Variants in SUMF1 observed in about 807,000 individuals in gnomAD.
The protein encoded by SUMF1 is formylglycine-generating enzyme.
Under a neutral mutation model 47.6 loss-of-function variants are expected in SUMF1, and 48 were observed. The ratio of observed to expected loss-of-function variants is 1.01; its 90% CI spans 0.80 to 1.28. The LOEUF is 1.28. SUMF1 is among the 50% of genes most tolerant of loss of function. SUMF1 has a pLI of 0.00. For synonymous variants in SUMF1, 230 were observed against 192.1 expected (o/e 1.20, Z -1.63); for missense variants, 571 against 485.4 (o/e 1.18, Z -1.66).
At chr3:4,272,441 A>G (rs1697323780) in intron 8 of SUMF1, among the ~76,000 whole-genome samples, 1 of 152,176 alleles carries the variant, frequency 6.6e-6, no homozygotes, top group Non-Finnish European at 1.5e-5. Context: ...CGTTGGATAC[A>G]GGCTGTCCAT....
At chr3:4,191,957 A>T (rs1289523980) in intron 8 of SUMF1, among the ~76,000 whole-genome samples, 3 of 152,180 alleles carry the variant, frequency 2.0e-5, no homozygotes, top group Non-Finnish European at 4.4e-5. Flanking sequence ...GTGTTATTTT[A>T]ACTGACATCA....
At chr3:4,245,965 C>T (rs61267483) in intron 8 of SUMF1, among the ~76,000 whole-genome samples, 1 of 152,132 alleles carries the variant, frequency 6.6e-6, no homozygotes, top group African/African-American at 2.4e-5. Flanking sequence ...CCTCAGCAAT[C>T]GTGGATGCCC....
At chr3:4,064,492 CTA>C (rs1695336964) in intron 9 of SUMF1, among the ~76,000 whole-genome samples, 2 of 152,098 alleles carry the variant, frequency 1.3e-5, no homozygotes, top group African/African-American at 2.4e-5. Context: ...CAAGAAATAA[CTA>C]TAAGTATACT....
At chr3:4,121,657 G>T (rs1693547858) in intron 8 of SUMF1, among the ~76,000 whole-genome samples, 1 of 152,100 alleles carries the variant, frequency 6.6e-6, no homozygotes, top group African/African-American at 2.4e-5. Context: ...ATACCCAAAA[G>T]AAGTGAAAAT....
chr3:4,325,120 T>C (rs913273360), intron 8 of SUMF1, among the ~76,000 whole-genome samples: 1 of 152,044 alleles, frequency 6.6e-6, no homozygotes, highest in African/African-American at 2.4e-5. Flanking sequence ...ATAATTCAAT[T>C]ACCTCCCACC....
At chr3:4,041,886 G>A (rs1247864607) in intron 9 of SUMF1, among the ~76,000 whole-genome samples, 1 of 152,078 alleles carries the variant, frequency 6.6e-6, no homozygotes, top group East Asian at 1.9e-4. Flanking sequence ...TAAGAAAGCA[G>A]GCCTGAATCC....
intron 8 of SUMF1, among the ~76,000 whole-genome samples, chr3:4,117,727 CAAAAAATGTAACTT>C (rs1693454242): frequency 6.6e-6 from 1 of 151,674 alleles, no homozygotes; most frequent in South Asian, 2.1e-4. Flanking sequence ...CATTAGAAAT[CAAAAAATGTAACTT>C]AAACATGAAT....
At chr3:4,195,185 C>T (rs905356580) in intron 8 of SUMF1, among the ~76,000 whole-genome samples, 1 of 152,044 alleles carries the variant, frequency 6.6e-6, no homozygotes, top group African/African-American at 2.4e-5. Flanking sequence ...AAATTTGAAA[C>T]ATATCATATT....
At chr3:4,336,989 C>A (rs188211694) in intron 8 of SUMF1, among the ~76,000 whole-genome samples, 32 of 152,300 alleles carry the variant, frequency 2.1e-4, no homozygotes, top group African/African-American at 7.5e-4. Context: ...GCTGATCCCA[C>A]GAATTCCAAC....
intron 8 of SUMF1, among the ~76,000 whole-genome samples, chr3:4,200,103 T>G (rs934455427): frequency 5.9e-5 from 9 of 152,056 alleles, no homozygotes; most frequent in South Asian, 2.1e-4. Flanking sequence ...TGTTATACTT[T>G]GAGCTCTTAC....
chr3:4,061,949 T>C (rs795723), intron 9 of SUMF1, among the ~76,000 whole-genome samples: 148,782 of 152,122 alleles, frequency 0.98, 72,828 homozygotes, highest in Middle Eastern at 1. Context: ...ATTTGATACC[T>C]GGTCCTCCCA....
intron 8 of SUMF1, among the ~76,000 whole-genome samples, chr3:4,166,704 C>G (rs1341304553): frequency 6.6e-6 from 1 of 152,142 alleles, no homozygotes; most frequent in Non-Finnish European, 1.5e-5. Flanking sequence ...ATGGGCGAGT[C>G]TCACTTGGGT....
At chr3:4,267,333 CG>C (rs1697216254) in intron 8 of SUMF1, among the ~76,000 whole-genome samples, 1 of 152,084 alleles carries the variant, frequency 6.6e-6, no homozygotes. Flanking sequence ...TGGTAGAATT[CG>C]GCTGTGAATC....
At chr3:4,343,814 C>A (rs1217178400) in intron 8 of SUMF1, among the ~76,000 whole-genome samples, 1 of 152,120 alleles carries the variant, frequency 6.6e-6, no homozygotes, top group Non-Finnish European at 1.5e-5. Context: ...ATTTATCTCA[C>A]AGAAATATCT....
At chr3:4,455,045 T>C (rs1359829572) in intron 1 of SUMF1, among the ~76,000 whole-genome samples, 3 of 152,244 alleles carry the variant, frequency 2.0e-5, no homozygotes, top group South Asian at 2.1e-4. Flanking sequence ...GAATTGTACA[T>C]GTTGAAAGAG....
At chr3:4,317,378 CT>C in intron 8 of SUMF1, 1 of 684,194 alleles carries the variant, frequency 1.5e-6, no homozygotes, top group Non-Finnish European at 2.4e-6. Context: ...ATTCCACGGA[CT>C]TTATTAAGAA....
intron 8 of SUMF1, among the ~76,000 whole-genome samples, chr3:4,234,017 C>T: frequency 6.6e-6 from 1 of 152,020 alleles, no homozygotes; most frequent in East Asian, 1.9e-4. Flanking sequence ...ACCTCCTGGC[C>T]TGAAAGAATT....
At chr3:4,178,403 A>G (rs1036382111) in intron 8 of SUMF1, among the ~76,000 whole-genome samples, 5 of 152,230 alleles carry the variant, frequency 3.3e-5, no homozygotes, top group Non-Finnish European at 7.3e-5. Flanking sequence ...AAATGAATAA[A>G]TGTAATCCAT....
chr3:4,132,778 A>G (rs371363466), intron 8 of SUMF1, among the ~76,000 whole-genome samples: 1 of 152,146 alleles, frequency 6.6e-6, no homozygotes, highest in Admixed American at 6.6e-5. Flanking sequence ...GTGGTGACTG[A>G]CACAGACTAT....
Sources: gnomAD v4.1 joint callset for allele counts (sites outside exome capture counted in the v4.1 genomes callset) on GRCh38, gnomAD v4.1.1 for gene constraint, MANE v1.5 for transcripts, NCBI Gene and HGNC (gene_info 2026-07-23, HGNC 2026-07-21) for gene names.